MARCHF3: variants seen among roughly 807,000 people sequenced by gnomAD.
The protein encoded by MARCHF3 is membrane associated ring-CH-type finger 3.
MARCHF3 carries 13 observed loss-of-function variants against 24.2 expected under a neutral mutation model. The ratio of observed to expected loss-of-function variants is 0.54; its 90% CI spans 0.35 to 0.85. The LOEUF is 0.85. Among genes scored for constraint, MARCHF3 ranks in the 40% least tolerant of loss-of-function variants. The probability of loss-of-function intolerance (pLI) is 0.01; values close to 1 mark genes in which losing one functional copy is unlikely to be tolerated. For synonymous variants in MARCHF3, 144 were observed against 137.3 expected (o/e 1.05, Z -0.34); for missense variants, 276 against 325.0 (o/e 0.85, Z 1.16).
intron 4 of MARCHF3, among the ~76,000 whole-genome samples, chr5:126,872,138 G>A (rs1452203140): frequency 7.4e-6 from 1 of 134,856 alleles, no homozygotes; most frequent in Non-Finnish European, 1.5e-5. Context: ...GAAGTGCAAT[G>A]GCGCGATCTC....
chr5:126,944,022 A>C (rs1439452731), intron 1 of MARCHF3, among the ~76,000 whole-genome samples: 1 of 151,984 alleles, frequency 6.6e-6, no homozygotes, highest in South Asian at 2.1e-4. Flanking sequence ...CATCTTGGCC[A>C]GGCTGTCTTG....
chr5:126,931,193 T>A (rs1256965802), intron 1 of MARCHF3, among the ~76,000 whole-genome samples: 1 of 152,186 alleles, frequency 6.6e-6, no homozygotes, highest in Non-Finnish European at 1.5e-5. Flanking sequence ...AGGAAATGCA[T>A]GCCAAGGAGG....
At chr5:126,937,280 C>A (rs1295999580) in intron 1 of MARCHF3, among the ~76,000 whole-genome samples, 1 of 152,212 alleles carries the variant, frequency 6.6e-6, no homozygotes, top group Non-Finnish European at 1.5e-5. Flanking sequence ...ACAGGATATA[C>A]TCTTTTTTCC....
At chr5:126,890,258 C>CT (rs755211295) in intron 3 of MARCHF3, among the ~76,000 whole-genome samples, 528 of 143,830 alleles carry the variant, frequency 3.7e-3, no homozygotes, top group African/African-American at 8.4e-3. Context: ...AAAAGACATA[C>CT]TTTTTTTTTT....
rs770288470 is a variant in MARCHF3 at position 126,878,372 on chromosome 5, T to C, written c.416A>G (p.Gln139Arg). The C allele has an allele frequency of 6.2e-7, 1 of 1,613,582 alleles. No homozygotes were observed. The highest frequency in any genetic ancestry group is 8.5e-7 in the Non-Finnish European group (1 of 1,179,760). Residue 139 changes from glutamine to arginine, a missense_variant, in exon 4 of 5, where the codon CAG becomes CGG. Gln to Arg is a conservative substitution (Grantham distance 43). Coordinates refer to ENST00000308660, the MANE Select transcript of MARCHF3 (RefSeq NM_178450.5). ...LVEWLRNPGP[Q>R]HEKRTLFGDM... ...GCCAAACAGAGTCCGCTTCTCATGC[T>C]GGGGGCCAGGGTTTCTCAGCCACTG...
intron 1 of MARCHF3, among the ~76,000 whole-genome samples, chr5:126,945,279 G>T (rs992888727): frequency 6.6e-6 from 1 of 152,204 alleles, no homozygotes; most frequent in African/African-American, 2.4e-5. Flanking sequence ...CCCCCAGAGA[G>T]CTGGCTGTTG....
intron 1 of MARCHF3, among the ~76,000 whole-genome samples, chr5:126,918,457 T>C (rs776671532): frequency 3.3e-5 from 5 of 152,158 alleles, no homozygotes; most frequent in African/African-American, 4.8e-5. Context: ...CATGTCCGTG[T>C]ATATAAACAT....
At chr5:126,888,777 T>G (rs886916795) in intron 3 of MARCHF3, among the ~76,000 whole-genome samples, 5 of 152,308 alleles carry the variant, frequency 3.3e-5, no homozygotes, top group Admixed American at 2.6e-4. Context: ...TGGTTTTTCT[T>G]TTTTTGAGAT....
intron 1 of MARCHF3, among the ~76,000 whole-genome samples, chr5:126,993,267 A>T (rs1223369573): frequency 1.3e-5 from 2 of 152,332 alleles, no homozygotes; most frequent in East Asian, 3.9e-4. Flanking sequence ...TGTAGAGGCC[A>T]ACTCCATCGT....
chr5:126,875,340 C>T (rs902511974), intron 4 of MARCHF3, among the ~76,000 whole-genome samples: 2 of 152,198 alleles, frequency 1.3e-5, no homozygotes, highest in Non-Finnish European at 2.9e-5. Context: ...CCACGTGTGC[C>T]TGCGAGAAAC....
intron 1 of MARCHF3, among the ~76,000 whole-genome samples, chr5:126,943,816 CT>C (rs1254263204): frequency 4.9e-4 from 72 of 146,322 alleles, no homozygotes; most frequent in Admixed American, 4.1e-4. Context: ...AACCCTTACT[CT>C]TTTTTTTTTT....
intron 1 of MARCHF3, among the ~76,000 whole-genome samples, chr5:127,024,518 A>G (rs1752931576): frequency 6.6e-6 from 1 of 152,218 alleles, no homozygotes; most frequent in Non-Finnish European, 1.5e-5. Flanking sequence ...TCCCAAAGGC[A>G]TTAATATTTG....
intron 1 of MARCHF3, among the ~76,000 whole-genome samples, chr5:126,958,724 T>C (rs1236479698): frequency 5.3e-5 from 8 of 152,216 alleles, no homozygotes; most frequent in African/African-American, 1.9e-4. Context: ...TAGAAATTGA[T>C]TGATTCCTGG....
intron 1 of MARCHF3, among the ~76,000 whole-genome samples, chr5:126,965,530 A>G (rs1403281499): frequency 6.6e-6 from 1 of 152,226 alleles, no homozygotes; most frequent in Non-Finnish European, 1.5e-5. Flanking sequence ...TATTTGGGGG[A>G]AAATTTTTTA....
At chr5:126,905,523 T>A (rs1754258480) in intron 3 of MARCHF3, among the ~76,000 whole-genome samples, 1 of 151,430 alleles carries the variant, frequency 6.6e-6, no homozygotes, top group Admixed American at 6.6e-5. Context: ...CTAGAAGAGG[T>A]CCTTCACATC....
intron 1 of MARCHF3, among the ~76,000 whole-genome samples, chr5:126,992,474 C>T (rs1751799337): frequency 6.6e-6 from 1 of 152,200 alleles, no homozygotes; most frequent in African/African-American, 2.4e-5. Flanking sequence ...CGTTTGCTTT[C>T]TCATCTCCTT....
At chr5:126,885,502 G>C (rs942055901) in intron 3 of MARCHF3, among the ~76,000 whole-genome samples, 3 of 151,830 alleles carry the variant, frequency 2.0e-5, no homozygotes, top group Admixed American at 6.6e-5. Flanking sequence ...AGGAGGCGGA[G>C]GTTGCAGTGA....
chr5:126,947,596 G>A (rs1419979223), intron 1 of MARCHF3, among the ~76,000 whole-genome samples: 2 of 152,154 alleles, frequency 1.3e-5, no homozygotes, highest in African/African-American at 4.8e-5. Context: ...CTCTGGTGGG[G>A]GATGGTGATA....
intron 1 of MARCHF3, among the ~76,000 whole-genome samples, chr5:127,015,993 G>C (rs1752627821): frequency 6.6e-6 from 1 of 152,096 alleles, no homozygotes; most frequent in African/African-American, 2.4e-5. Flanking sequence ...ATCAACTGTT[G>C]CCAGAATCGA....
Sources: allele counts gnomAD v4.1 joint callset (sites outside exome capture counted in the v4.1 genomes callset), GRCh38; gene constraint gnomAD v4.1.1; transcripts MANE v1.5; gene names NCBI Gene and HGNC (gene_info 2026-07-23, HGNC 2026-07-21).